The following KNDC1 variants were observed in gnomAD, a reference collection of about 807,000 sequenced individuals.
KNDC1 encodes the protein kinase non-catalytic C-lobe domain containing 1.
A neutral mutation model predicts 172.8 loss-of-function variants in KNDC1; 106 were observed. The observed-to-expected ratio is 0.61, with a 90% CI of 0.52 to 0.72. The LOEUF is 0.72. Ranked by LOEUF, KNDC1 falls within the 30% of genes least tolerant of loss-of-function variation. The pLI, the probability that KNDC1 is intolerant of heterozygous loss-of-function variation, is 0.00. For missense variants in KNDC1, 2,325 were observed against 2,394.5 expected, an observed-to-expected ratio of 0.97 and a Z score of 0.61; for synonymous variants, 1,083 against 1,062.2, an observed-to-expected ratio of 1.02 and a Z score of -0.38.
At position 133,195,716 on chromosome 10, in the gene KNDC1, C is replaced by T; in HGVS notation, c.1629C>T (p.Val543=). 6.2e-7 allele frequency: 1 copy of T among 1,612,694 alleles called. No individual in the cohort carries two copies. Residue 543 remains valine, a synonymous_variant, in exon 10 of 30, where the codon GTC becomes GTT. Coordinates refer to ENST00000304613, the MANE Select transcript of KNDC1 (RefSeq NM_152643.8). Reference sequence around the variant, plus strand: ...TGTGGACCGCAGCCAAGTTCAGCGTCCCCCGCAACCACAAGCTGGCCCTGC... The same window carrying T: ...TGTGGACCGCAGCCAAGTTCAGCGTTCCCCGCAACCACAAGCTGGCCCTGC... ...AVLWTAAKFS[V]PRNHKLALPR...
Position 133,175,583 on chromosome 10 carries a change from GTAGATGGA to G in KNDC1, c.360+7273_360+7280del, listed in dbSNP as rs1188455818. 8.2e-5 allele frequency among the ~76,000 whole-genome samples: 5 copies of G among 60,620 alleles called. 1 individual carries two copies. Among genetic ancestry groups the G allele is most frequent in the South Asian group, 3.1e-3 (2 of 638 alleles). The allele number at this position is 60,620 out of a possible 152,430, so 39.8% of individuals were successfully genotyped here. On this transcript the variant is annotated intron_variant, in intron 3 of 29. Coordinates refer to ENST00000304613, the MANE Select transcript of KNDC1 (RefSeq NM_152643.8). ...GATGCATGGGTGAGTAAATGGATGG[GTAGATGGA>G]TGGATGGATGGATGGGTGGATGAAC...
At chr10:133,210,459 T>C (rs1845338107) in intron 20 of KNDC1, 152 bp from the exon 21 acceptor site, 1 of 548,150 alleles carries the variant, frequency 1.8e-6, no homozygotes, top group Non-Finnish European at 3.3e-6. Flanking sequence ...GGGTTATCCA[T>C]GTCCCCCCTT....
intron 16 of KNDC1, 88 bp downstream of exon 16, chr10:133,200,548 G>A: frequency 1.9e-6 from 2 of 1,070,856 alleles, no homozygotes; most frequent in Non-Finnish European, 2.5e-6. Flanking sequence ...CAGGGTCCCA[G>A]CAGCCTCAGA....
Position 133,211,988 on chromosome 10 carries a change from CAT to C in KNDC1, c.4236+132_4236+133del, listed in dbSNP as rs1414156008. ...GCAAATGGGCACAGCTGTATACATG[CAT>C]ACACATAGACGTGTGCACATACACT... On this transcript the variant is annotated intron_variant, in intron 23 of 29. Transcript: ENST00000304613. 10 of 833,690 alleles carry C rather than the reference CAT, an allele frequency of 1.2e-5. No individual in the cohort carries two copies. In the Admixed American group the frequency reaches 2.8e-4, roughly 23 times the overall value. The allele number at this position is 833,690 out of a possible 1,614,324, so 51.6% of individuals were successfully genotyped here. A position where few individuals can be genotyped will look rare whatever the true frequency, so the allele number is the denominator to read the frequency against.
intron 4 of KNDC1, 45 bp downstream of exon 4, chr10:133,183,535 C>T: frequency 1.3e-6 from 2 of 1,556,450 alleles, no homozygotes; most frequent in Non-Finnish European, 1.7e-6. Flanking sequence ...GACCCTGACC[C>T]CACAGGCCTG....
chr10:133,213,840 CGA>C (rs1845423146), intron 25 of KNDC1, 113 bp downstream of exon 25: 1 of 1,434,870 alleles, frequency 7.0e-7, no homozygotes, highest in African/African-American at 1.4e-5. Context: ...TCCAGAGACG[CGA>C]GAGAGTGGTG....
chr10:133,184,429 G>A lies in KNDC1; in HGVS notation c.625+440G>A, dbSNP rs1252334295. Among the ~76,000 whole-genome samples, 3 of 151,938 alleles carry A rather than the reference G, an allele frequency of 2.0e-5. 1 individual carries two copies. Among genetic ancestry groups the A allele is most frequent in the Admixed American group, 6.5e-5 (1 of 15,272 alleles). Reference sequence around the variant, plus strand: ...GCACACACCCACTCACACATTCAGAGATCACACAAACTCACGTATTCACAC... The same window carrying A: ...GCACACACCCACTCACACATTCAGAAATCACACAAACTCACGTATTCACAC... On this transcript the variant is annotated intron_variant, in intron 5 of 29. Transcript: ENST00000304613.
chr10:133,173,589 C>G (rs1591225728), intron 3 of KNDC1, among the ~76,000 whole-genome samples: 1 of 152,184 alleles, frequency 6.6e-6, no homozygotes, highest in East Asian at 1.9e-4. Context: ...TTGAGATATA[C>G]ATGCAGAAAA....
At chr10:133,221,802 C>T (rs1325490367) in intron 29 of KNDC1, among the ~76,000 whole-genome samples, 4 of 152,128 alleles carry the variant, frequency 2.6e-5, no homozygotes, top group African/African-American at 7.2e-5. Flanking sequence ...GTAGGCCAGA[C>T]GCGGCGGCTC....
At chr10:133,197,256 G>A (rs866293222) in intron 11 of KNDC1, 121 bp downstream of exon 11, 3 of 761,468 alleles carry the variant, frequency 3.9e-6, no homozygotes, top group African/African-American at 3.4e-5. Context: ...GTTGACCACC[G>A]AGCTGTGGGT....
chr10:133,205,235 G>A (rs902332814), intron 17 of KNDC1, among the ~76,000 whole-genome samples: 8 of 152,332 alleles, frequency 5.3e-5, no homozygotes, highest in Admixed American at 1.3e-4. Flanking sequence ...CCGGCCAGGC[G>A]TGGGAGGCAT....
Position 133,200,276 on chromosome 10 carries a change from C to T in KNDC1, c.2904-99C>T, listed in dbSNP as rs913294744. On this transcript the variant is annotated intron_variant, in intron 15 of 29. Transcript: ENST00000304613. Reference sequence around the variant, plus strand: ...GAGCTCCTGCCGCCTCCAGCGAGAGCTCCGCATAGACGTGTGGGCCTGTGG... The same window carrying T: ...GAGCTCCTGCCGCCTCCAGCGAGAGTTCCGCATAGACGTGTGGGCCTGTGG... 36 of 861,718 alleles carry T rather than the reference C, an allele frequency of 4.2e-5. 1 individual carries two copies. In the East Asian group the frequency reaches 1.1e-3, roughly 26 times the overall value. 53.4% of individuals were successfully genotyped at this position (861,718 alleles called of 1,614,324 possible).
intron 25 of KNDC1, 86 bp downstream of exon 25, chr10:133,213,813 CAGG>C: frequency 6.9e-7 from 1 of 1,448,544 alleles, no homozygotes; most frequent in Non-Finnish European, 9.6e-7. Context: ...TCCTGACCAG[CAGG>C]AGATGCCTGT....
chr10:133,216,392 C>T (rs771943144), intron 26 of KNDC1, among the ~76,000 whole-genome samples: 5 of 152,074 alleles, frequency 3.3e-5, no homozygotes, highest in East Asian at 1.9e-4. Flanking sequence ...CTTAAGAAAA[C>T]GCAGGCCGGT....
Position 133,160,548 on chromosome 10 carries a change from G to T in KNDC1, c.81G>T (p.Leu27=). ...KDLDFYDFEP[L]PTLPEDEENV... is the part of the protein sequence containing the mutation. ...TGGACTTCTACGACTTCGAGCCGCTGCCCACCCTCCCCGAGGACGAGGTGA... is the reference window on the plus strand; with the variant it reads ...TGGACTTCTACGACTTCGAGCCGCTTCCCACCCTCCCCGAGGACGAGGTGA... Residue 27 remains leucine, a synonymous_variant, in exon 1 of 30, where the codon CTG becomes CTT. Coordinates refer to ENST00000304613, the MANE Select transcript of KNDC1 (RefSeq NM_152643.8). 6.3e-7 allele frequency: 1 copy of T among 1,583,628 alleles called. No individual in the cohort carries two copies. The highest frequency in any genetic ancestry group is 1.8e-5 in the Admixed American group (1 of 56,516).
intron 21 of KNDC1, 47 bp downstream of exon 21, chr10:133,210,771 C>T (rs1044782772): frequency 1.1e-5 from 17 of 1,489,564 alleles, no homozygotes; most frequent in Non-Finnish European, 1.5e-5. Flanking sequence ...CCCCCTGGGG[C>T]AGGGTGGGCG....
In KNDC1 at chr10:133,186,268, C is replaced by A. The variant is rs770160976; in HGVS notation, c.920C>A (p.Thr307Lys). The A allele has an allele frequency of 5.6e-6, 9 of 1,608,176 alleles. No individual in the cohort carries two copies. Among genetic ancestry groups the A allele is most frequent in the East Asian group, 2.2e-5 (1 of 44,822 alleles). ...LRRSRLRKVQ[T>K]FPRLLSDSPE... Reference sequence around the variant, plus strand: ...AGAAGCCGCCTGCGGAAGGTGCAGACGTTCCCTAGGCTGCTGTCCGACAGC... The same window carrying A: ...AGAAGCCGCCTGCGGAAGGTGCAGAAGTTCCCTAGGCTGCTGTCCGACAGC... Residue 307 changes from threonine (T) to lysine (K), a missense_variant, in exon 6 of 30, where the codon ACG becomes AAG. Transcript: ENST00000304613.
At chr10:133,222,110 C>G (rs1364356728) in intron 29 of KNDC1, among the ~76,000 whole-genome samples, 1 of 149,826 alleles carries the variant, frequency 6.7e-6, no homozygotes, top group Admixed American at 6.7e-5. Flanking sequence ...GGTGAAACCC[C>G]ATCTCTACTA....
At chr10:133,175,841 G>T (rs1256012219) in intron 3 of KNDC1, among the ~76,000 whole-genome samples, 3 of 151,882 alleles carry the variant, frequency 2.0e-5, no homozygotes, top group African/African-American at 7.3e-5. Flanking sequence ...TGGGTGGATG[G>T]GTGAGTGGAC....
Sources: gnomAD v4.1 joint callset for allele counts (sites outside exome capture counted in the v4.1 genomes callset) on GRCh38, gnomAD v4.1.1 for gene constraint, MANE v1.5 for transcripts, NCBI Gene and HGNC (gene_info 2026-07-23, HGNC 2026-07-21) for gene names.